The following MTUS2 variants were observed in gnomAD, a reference collection of about 807,000 sequenced individuals.
MTUS2 encodes microtubule-associated tumor suppressor candidate 2.
Under a neutral mutation model 114.1 loss-of-function variants are expected in MTUS2, and 40 were observed. The ratio of observed to expected loss-of-function variants is 0.35; its 90% CI spans 0.27 to 0.46. The LOEUF is 0.46. Among genes scored for constraint, MTUS2 ranks in the 20% least tolerant of loss-of-function variants. The pLI, the probability that MTUS2 is intolerant of heterozygous loss-of-function variation, is 1.00. For synonymous variants in MTUS2, 688 were observed against 672.0 expected (o/e 1.02, Z -0.37); for missense variants, 1,679 against 1,705.4 (o/e 0.98, Z 0.27).
At chr13:29,250,247 G>A (rs867216130) in intron 5 of MTUS2, among the ~76,000 whole-genome samples, 3 of 151,998 alleles carry the variant, frequency 2.0e-5, no homozygotes, top group Admixed American at 6.6e-5. Flanking sequence ...ATTGGCTCTC[G>A]TCTTTCTGCT....
intron 2 of MTUS2, among the ~76,000 whole-genome samples, chr13:28,887,485 T>C (rs1428873713): frequency 6.6e-6 from 1 of 152,194 alleles, no homozygotes; most frequent in Non-Finnish European, 1.5e-5. Context: ...AGAGCAGACA[T>C]TCCATAAATG....
chr13:28,985,831 A>G (rs185814367), intron 2 of MTUS2, among the ~76,000 whole-genome samples: 280 of 152,264 alleles, frequency 1.8e-3, no homozygotes, highest in Non-Finnish European at 3.6e-3. Context: ...TTAGGCCTGG[A>G]TAGCCCTCTC....
chr13:29,189,930 A>G (rs1894378345), intron 5 of MTUS2, among the ~76,000 whole-genome samples: 2 of 152,174 alleles, frequency 1.3e-5, no homozygotes, highest in African/African-American at 4.8e-5. Context: ...AAATTAGGAG[A>G]TCATGAGGGT....
At chr13:29,356,713 C>T (rs1593342942) in intron 7 of MTUS2, among the ~76,000 whole-genome samples, 1 of 152,220 alleles carries the variant, frequency 6.6e-6, no homozygotes, top group South Asian at 2.1e-4. Flanking sequence ...GGCAAAGTCA[C>T]GCTGGATATG....
chr13:28,907,371 C>T (rs946058245), intron 2 of MTUS2, among the ~76,000 whole-genome samples: 4 of 151,560 alleles, frequency 2.6e-5, no homozygotes, highest in Non-Finnish European at 5.9e-5. Flanking sequence ...CAGCTAACAT[C>T]ATAATGAGAG....
chr13:29,224,370 G>A (rs184844183), intron 5 of MTUS2, among the ~76,000 whole-genome samples: 6 of 151,504 alleles, frequency 4.0e-5, no homozygotes, highest in East Asian at 1.9e-4. Context: ...TTTCTCTTAC[G>A]CTTTATTTAT....
chr13:29,398,467 TA>T (rs34771582), intron 8 of MTUS2, among the ~76,000 whole-genome samples: 241 of 82,950 alleles, frequency 2.9e-3, no homozygotes, highest in Non-Finnish European at 3.3e-3. Context: ...GTCTCAAAAT[TA>T]AAAAAAAAAA....
chr13:28,918,363 G>C (rs1423747287), intron 2 of MTUS2, among the ~76,000 whole-genome samples: 1 of 151,812 alleles, frequency 6.6e-6, no homozygotes, highest in Admixed American at 6.6e-5. Flanking sequence ...CTCTATCACT[G>C]GGATATTTGT....
intron 6 of MTUS2, among the ~76,000 whole-genome samples, chr13:29,310,217 T>A (rs1899690058): frequency 1.3e-5 from 2 of 152,138 alleles, no homozygotes; most frequent in South Asian, 4.1e-4. Context: ...TGTCACCTAT[T>A]TTACACAGGA....
intron 2 of MTUS2, among the ~76,000 whole-genome samples, chr13:28,852,900 A>ATACATACATACATAC (rs1555267743): frequency 8.8e-5 from 13 of 148,490 alleles, no homozygotes; most frequent in Non-Finnish European, 1.9e-4. Flanking sequence ...CTCTGTCTTA[A>ATACATACATACATAC]ATACATACAT....
intron 6 of MTUS2, among the ~76,000 whole-genome samples, chr13:29,283,079 A>T (rs1898339745): frequency 1.3e-5 from 2 of 152,204 alleles, no homozygotes; most frequent in African/African-American, 4.8e-5. Flanking sequence ...AGATATGGAT[A>T]GATTGCCTTT....
intron 2 of MTUS2, among the ~76,000 whole-genome samples, chr13:28,998,413 A>T (rs545552260): frequency 6.6e-6 from 1 of 152,064 alleles, no homozygotes; most frequent in South Asian, 2.1e-4. Context: ...CGTTCTCTGT[A>T]TTTCCCGAAT....
chr13:29,172,739 A>G (rs1167649397), intron 5 of MTUS2, among the ~76,000 whole-genome samples: 1 of 152,240 alleles, frequency 6.6e-6, no homozygotes. Flanking sequence ...ATTAGGGACA[A>G]GGAGACATTA....
At chr13:29,389,234 T>TATACAC (rs1491329838) in intron 8 of MTUS2, among the ~76,000 whole-genome samples, 1 of 145,212 alleles carries the variant, frequency 6.9e-6, no homozygotes, top group South Asian at 2.1e-4. Flanking sequence ...TGTATATATG[T>TATACAC]ATGTGTGTAT....
At chr13:29,169,206 A>G (rs977427195) in intron 5 of MTUS2, among the ~76,000 whole-genome samples, 2 of 152,162 alleles carry the variant, frequency 1.3e-5, no homozygotes, top group African/African-American at 4.8e-5. Context: ...TCATTTTATA[A>G]AAGTGAGATT....
intron 6 of MTUS2, among the ~76,000 whole-genome samples, chr13:29,291,442 GA>G (rs1898709692): frequency 6.6e-6 from 1 of 152,350 alleles, no homozygotes; most frequent in African/African-American, 2.4e-5. Context: ...CATTGACTCA[GA>G]GGGGAGGTAC....
intron 2 of MTUS2, among the ~76,000 whole-genome samples, chr13:28,859,199 G>A (rs897293830): frequency 6.6e-6 from 1 of 152,180 alleles, no homozygotes; most frequent in Non-Finnish European, 1.5e-5. Flanking sequence ...CTAGAACCAG[G>A]TTGGACTTGA....
intron 4 of MTUS2, among the ~76,000 whole-genome samples, chr13:29,055,819 A>AT (rs1369371158): frequency 1.3e-4 from 20 of 148,994 alleles, no homozygotes; most frequent in Non-Finnish European, 3.0e-5. Context: ...AATGTTGGGC[A>AT]TTTTTTCATG....
At chr13:29,473,243 A>C (rs1880447274) in intron 9 of MTUS2, among the ~76,000 whole-genome samples, 1 of 152,206 alleles carries the variant, frequency 6.6e-6, no homozygotes, top group Admixed American at 6.5e-5. Context: ...AGGCCACATA[A>C]TATTCTTATT....
Sources: gnomAD v4.1 joint callset for allele counts (sites outside exome capture counted in the v4.1 genomes callset) on GRCh38, gnomAD v4.1.1 for gene constraint, MANE v1.5 for transcripts, NCBI Gene and HGNC (gene_info 2026-07-23, HGNC 2026-07-21) for gene names.